The following CLSTN1 variants were observed in gnomAD, a reference collection of about 807,000 sequenced individuals.
CLSTN1 encodes calsyntenin-1.
In CLSTN1, 28 loss-of-function variants were observed where a neutral mutation model predicts 108.3. The ratio of observed to expected loss-of-function variants is 0.26; its 90% CI spans 0.19 to 0.35. The LOEUF (loss-of-function observed/expected upper bound fraction) is 0.35. CLSTN1 is among the 10% of genes least tolerant of loss of function. The probability of loss-of-function intolerance (pLI) is 1.00; values close to 1 mark genes in which losing one functional copy is unlikely to be tolerated. For synonymous variants in CLSTN1, 524 were observed against 534.9 expected (o/e 0.98, Z 0.28); for missense variants, 1,157 against 1,302.6 (o/e 0.89, Z 1.72).
At chr1:9,762,775 C>T (rs1398420963) in intron 2 of CLSTN1, among the ~76,000 whole-genome samples, 6 of 144,726 alleles carry the variant, frequency 4.1e-5, no homozygotes, top group Admixed American at 1.4e-4. Flanking sequence ...TGACCTCTGG[C>T]TTTCTTGCCA....
At chr1:9,791,014 C>T (rs1242795304) in intron 1 of CLSTN1, among the ~76,000 whole-genome samples, 3 of 150,792 alleles carry the variant, frequency 2.0e-5, no homozygotes, top group African/African-American at 7.3e-5. Flanking sequence ...CGCCTGTAGT[C>T]CCAGCTACTC....
chr1:9,764,632 A>C (rs1652235695), intron 2 of CLSTN1, among the ~76,000 whole-genome samples: 1 of 113,050 alleles, frequency 8.8e-6, no homozygotes, highest in Admixed American at 1.0e-4. Context: ...GTGAGGCTCC[A>C]TCTTTAAAAA....
chr1:9,730,399 G>A lies in CLSTN1; in HGVS notation c.*109C>T. ...CGACGATCGTGGCGGGGAGGGGTCTGCACACCTACTGGCCGAAATGACTTT... is the reference window on the plus strand; with the variant it reads ...CGACGATCGTGGCGGGGAGGGGTCTACACACCTACTGGCCGAAATGACTTT... On this transcript the variant is annotated 3_prime_UTR_variant, in exon 19 of 19. Coordinates refer to ENST00000377298, the MANE Select transcript of CLSTN1 (RefSeq NM_001009566.3). The surrounding 1 kb of genome is among the most constrained non-coding windows in gnomAD (Gnocchi z 5.6). The A allele has an allele frequency of 2.9e-6, 3 of 1,023,988 alleles. No individual in the cohort carries two copies. The highest frequency in any genetic ancestry group is 3.0e-6 in the Non-Finnish European group (2 of 672,644). The allele number at this position is 1,023,988 out of a possible 1,614,324, so 63.4% of individuals were successfully genotyped here. A position where few individuals can be genotyped will look rare whatever the true frequency, so the allele number is the denominator to read the frequency against.
At chr1:9,794,163 T>G (rs1240989909) in intron 1 of CLSTN1, among the ~76,000 whole-genome samples, 1 of 151,380 alleles carries the variant, frequency 6.6e-6, no homozygotes, top group Non-Finnish European at 1.5e-5. Flanking sequence ...TGCAGGCTGG[T>G]GGAGGAACAC....
intron 7 of CLSTN1, among the ~76,000 whole-genome samples, chr1:9,748,772 A>C (rs1651407563): frequency 6.6e-6 from 1 of 152,020 alleles, no homozygotes; most frequent in African/African-American, 2.4e-5. Context: ...TATAGGCATG[A>C]GCCCCCATGC....
intron 2 of CLSTN1, among the ~76,000 whole-genome samples, chr1:9,756,939 C>T (rs1570457796): frequency 1.3e-5 from 2 of 151,832 alleles, no homozygotes; most frequent in South Asian, 2.1e-4. Flanking sequence ...CCACCACGCC[C>T]GGATAATTTT....
chr1:9,788,052 C>T (rs1280518358), intron 1 of CLSTN1, among the ~76,000 whole-genome samples: 5 of 151,250 alleles, frequency 3.3e-5, no homozygotes, highest in Admixed American at 1.3e-4. Flanking sequence ...TTCAGGAGTT[C>T]AAGATCAGCC....
At chr1:9,756,945 A>AT (rs1651844503) in intron 2 of CLSTN1, among the ~76,000 whole-genome samples, 1 of 151,462 alleles carries the variant, frequency 6.6e-6, no homozygotes, top group Admixed American at 6.6e-5. Context: ...CGCCCGGATA[A>AT]TTTTTTGTAT....
intron 4 of CLSTN1, among the ~76,000 whole-genome samples, chr1:9,752,099 G>A (rs545471335): frequency 5.0e-4 from 76 of 152,224 alleles, no homozygotes; most frequent in Non-Finnish European, 3.4e-4. Context: ...AGAGCCAAGG[G>A]AAGAAGGGGT....
At position 9,729,024 on chromosome 1, in the gene CLSTN1, AGTTAGTTAGAACC is replaced by A. The variant is rs1358129720; in HGVS notation, c.*1471_*1483del. 1 of 151,976 alleles carries A rather than the reference AGTTAGTTAGAACC, an allele frequency of 6.6e-6. No homozygotes were observed. Among genetic ancestry groups the A allele is most frequent in the Non-Finnish European group, 1.5e-5 (1 of 68,030 alleles). 9.4% of individuals were successfully genotyped at this position (151,976 alleles called of 1,614,324 possible). Reference sequence around the variant, plus strand: ...AGAAGACAAACCCCGCTCCGGCTGGAGTTAGTTAGAACCAGAACTTTATTGTAGCGGATACACT... The same window carrying A: ...AGAAGACAAACCCCGCTCCGGCTGGAAGAACTTTATTGTAGCGGATACACT... On this transcript the variant is annotated 3_prime_UTR_variant, in exon 19 of 19. Coordinates refer to ENST00000377298, the MANE Select transcript of CLSTN1 (RefSeq NM_001009566.3).
At position 9,823,835 on chromosome 1, in the gene CLSTN1, G is replaced by T; in HGVS notation, c.-102C>A. The T allele has an allele frequency of 2.0e-6, 1 of 495,738 alleles. No homozygotes were observed. The highest frequency in any genetic ancestry group is 2.6e-6 in the Non-Finnish European group (1 of 378,530). 30.7% of individuals were successfully genotyped at this position (495,738 alleles called of 1,614,324 possible). A position where few individuals can be genotyped will look rare whatever the true frequency, so the allele number is the denominator to read the frequency against. On this transcript the variant is annotated 5_prime_UTR_variant, in exon 1 of 19. Coordinates refer to ENST00000377298, the MANE Select transcript of CLSTN1 (RefSeq NM_001009566.3). The surrounding 1 kb of genome is among the most constrained non-coding windows in gnomAD (Gnocchi z 6.3). ...GGCCTGGGGCTAGCTGCTCCGCGGC[G>T]CGGGGAGCTCCGGGGGTCCAAGGAG...
chr1:9,814,004 A>G (rs1654873611), intron 1 of CLSTN1, among the ~76,000 whole-genome samples: 1 of 152,054 alleles, frequency 6.6e-6, no homozygotes, highest in Non-Finnish European at 1.5e-5. Context: ...CAGGAGGCTG[A>G]GGCAGGAGAA....
intron 1 of CLSTN1, among the ~76,000 whole-genome samples, chr1:9,780,444 CA>C (rs987913653): frequency 2.6e-5 from 4 of 152,130 alleles, no homozygotes; most frequent in African/African-American, 9.6e-5. Flanking sequence ...TTCTGCTGCC[CA>C]AATGGAAAGG....
Position 9,749,559 on chromosome 1 carries a change from AC to A in CLSTN1, c.886del (p.Val296SerfsTer10). 1.2e-6 allele frequency: 2 copies of A among 1,614,184 alleles called. No individual in the cohort carries two copies. The highest frequency in any genetic ancestry group is 1.7e-6 in the Non-Finnish European group (2 of 1,180,034). ...NIHLETCDEPVASVQATVELE... is the reference protein window; with the variant it reads ...NIHLETCDEPXASVQATVELE... ...CTCCACTGTGGCCTGTACTGAGGCG[AC>A]TGGCTCGTCACATGTCTCCAGGTGG... On this transcript the variant is annotated frameshift_variant, in exon 7 of 19. Transcript: ENST00000377298. LOFTEE classifies it high-confidence loss of function.
At chr1:9,816,364 T>TG (rs1196543541) in intron 1 of CLSTN1, among the ~76,000 whole-genome samples, 1 of 151,802 alleles carries the variant, frequency 6.6e-6, no homozygotes, top group African/African-American at 2.4e-5. Context: ...AGGAGGGAGA[T>TG]GGAGAATGAT....
chr1:9,759,705 G>T (rs1048387853), intron 2 of CLSTN1, among the ~76,000 whole-genome samples: 1 of 152,212 alleles, frequency 6.6e-6, no homozygotes, highest in African/African-American at 2.4e-5. Flanking sequence ...TTGCGAAAGA[G>T]ATCCGAGGGG....
intron 1 of CLSTN1, among the ~76,000 whole-genome samples, chr1:9,802,106 G>A (rs1654297329): frequency 1.3e-5 from 2 of 152,258 alleles, no homozygotes; most frequent in Admixed American, 6.6e-5. Context: ...GATTAAGTAA[G>A]ATGTCCAAGA....
chr1:9,780,884 T>C lies in CLSTN1; in HGVS notation c.92-7490A>G, dbSNP rs1653210760. 1.9e-5 allele frequency: 6 copies of C among 307,872 alleles called. 1 individual carries two copies. In the South Asian group the frequency reaches 3.2e-4, roughly 17 times the overall value. 19.1% of individuals were successfully genotyped at this position (307,872 alleles called of 1,614,324 possible). On this transcript the variant is annotated intron_variant, in intron 1 of 18. Coordinates refer to ENST00000377298, the MANE Select transcript of CLSTN1 (RefSeq NM_001009566.3). ...GCCGTGGCAGCGAATCCAAATGCGGTGCGGGAGACCATGGACAGGATGCTG... is the reference window on the plus strand; with the variant it reads ...GCCGTGGCAGCGAATCCAAATGCGGCGCGGGAGACCATGGACAGGATGCTG...
intron 1 of CLSTN1, among the ~76,000 whole-genome samples, chr1:9,780,468 A>G (rs1400177266): frequency 1.3e-5 from 2 of 152,196 alleles, no homozygotes; most frequent in African/African-American, 4.8e-5. Context: ...TGCAGCTGAA[A>G]TGGTTAAGGG....
Sources: gnomAD v4.1 joint callset for allele counts (sites outside exome capture counted in the v4.1 genomes callset) on GRCh38, gnomAD v4.1.1 for gene constraint, Gnocchi (gnomAD v3.1) non-coding constraint, MANE v1.5 for transcripts, NCBI Gene and HGNC (gene_info 2026-07-23, HGNC 2026-07-21) for gene names.